Variants in LRRC57 observed in about 807,000 individuals in gnomAD.
LRRC57 encodes the protein leucine-rich repeat-containing protein 57.
A neutral mutation model predicts 23.1 loss-of-function variants in LRRC57; 14 were observed. The observed-to-expected ratio is 0.61, with a 90% confidence interval of 0.40 to 0.95. The LOEUF (loss-of-function observed/expected upper bound fraction) is 0.95. Ranked by LOEUF, LRRC57 falls within the 40% of genes least tolerant of loss-of-function variation. The pLI, the probability that LRRC57 is intolerant of heterozygous loss-of-function variation, is 0.00. For missense variants in LRRC57, 236 were observed against 284.4 expected (o/e 0.83, Z 1.22); for synonymous variants, 106 against 115.2 (o/e 0.92, Z 0.51).
At chr15:42,548,292 C>G (rs772257446) in intron 2 of LRRC57, 48 bp from the exon 3 acceptor site, 2 of 1,613,760 alleles carry the variant, frequency 1.2e-6, no homozygotes, top group Non-Finnish European at 1.7e-6. Flanking sequence ...CGACTAAGTT[C>G]GCCGCCCCCG....
chr15:42,528,667 C>T, the LRRC57 span, among the ~76,000 whole-genome samples: 1 of 152,090 alleles, frequency 6.6e-6, no homozygotes, highest in Non-Finnish European at 1.5e-5. Context: ...CTCACTGCAA[C>T]CTCTGCCTCC....
chr15:42,547,901 T>C (rs2057669878), intron 3 of LRRC57: 1 of 588,238 alleles, frequency 1.7e-6, no homozygotes, highest in African/African-American at 1.9e-5. Flanking sequence ...ATTAACCCAG[T>C]AACAATCATT....
chr15:42,530,842 T>C, the LRRC57 span, among the ~76,000 whole-genome samples: 1 of 152,246 alleles, frequency 6.6e-6, no homozygotes, highest in Admixed American at 6.5e-5. Context: ...TAAATCACTT[T>C]TGATGGATTT....
chr15:42,535,290 T>C (rs1021471354), downstream of LRRC57, among the ~76,000 whole-genome samples: 15 of 152,204 alleles, frequency 9.9e-5, no homozygotes, highest in African/African-American at 3.4e-4. Flanking sequence ...CAACTTTTCT[T>C]CTGCAGCTTC....
the LRRC57 span, among the ~76,000 whole-genome samples, chr15:42,529,124 C>T: frequency 1.3e-5 from 2 of 152,166 alleles, no homozygotes; most frequent in Non-Finnish European, 2.9e-5. Flanking sequence ...TGCAATTACT[C>T]AACTCTGTTG....
Position 42,548,476 on chromosome 15 carries a change from C to T in LRRC57, c.-22-20G>A. On this transcript the variant is annotated intron_variant, in intron 1 of 5. Transcript: ENST00000397130. ...AGGTCCCTGCGGGAAGGAAGCGCTG[C>T]TGTCACCGCCCAGTCCACCCGGTCG... 1.2e-6 allele frequency: 2 copies of T among 1,600,664 alleles called. No individual in the cohort carries two copies. Among genetic ancestry groups the T allele is most frequent in the Non-Finnish European group, 1.7e-6 (2 of 1,173,750 alleles).
the LRRC57 span, among the ~76,000 whole-genome samples, chr15:42,530,993 T>C: frequency 2.0e-5 from 3 of 152,194 alleles, no homozygotes; most frequent in Non-Finnish European, 2.9e-5. Context: ...TTTCAGTCTC[T>C]CCAGGTTAGA....
chr15:42,544,537 A>G (rs73404793), intron 5 of LRRC57, among the ~76,000 whole-genome samples: 7,097 of 151,684 alleles, frequency 0.047, 563 homozygotes, highest in African/African-American at 0.16. Flanking sequence ...AATAAAGCAC[A>G]TAGGGCCGGG....
the LRRC57 span, chr15:42,529,571 T>C: frequency 4.3e-5 from 50 of 1,165,280 alleles, no homozygotes; most frequent in Middle Eastern, 3.9e-4. Flanking sequence ...TTGGATCTTA[T>C]ACTTGCTGAG....
At chr15:42,529,326 C>T in the LRRC57 span, among the ~76,000 whole-genome samples, 35 of 152,082 alleles carry the variant, frequency 2.3e-4, no homozygotes, top group Non-Finnish European at 4.7e-4. Context: ...CTTATTAAAC[C>T]GTAGGTTTCT....
intron 4 of LRRC57, among the ~76,000 whole-genome samples, chr15:42,546,849 A>G (rs373161901): frequency 1.0e-3 from 152 of 152,278 alleles, no homozygotes; most frequent in African/African-American, 3.5e-3. Flanking sequence ...ACAAAACGAA[A>G]AACAAAACTG....
chr15:42,548,374 G>T lies in LRRC57; in HGVS notation c.61C>A (p.Leu21Ile), dbSNP rs1222884852. Residue 21 changes from leucine (L) to isoleucine (I), a missense_variant, in exon 2 of 6, where the codon CTT becomes ATT. Coordinates refer to ENST00000397130, the MANE Select transcript of LRRC57 (RefSeq NM_153260.3). ...ACCTCGGTCAGCCCTCGGTCCTTAA[G>T]CTGAAAGACACCAGTTTTCTGCGCC... ...ETAQKTGVFQ[L>I]KDRGLTEFPA... 1 of 1,614,228 alleles carries T rather than the reference G, an allele frequency of 6.2e-7. No homozygotes were observed. Among genetic ancestry groups the T allele is most frequent in the Non-Finnish European group, 8.5e-7 (1 of 1,180,046 alleles).
downstream of LRRC57, among the ~76,000 whole-genome samples, chr15:42,533,395 G>A (rs946740749): frequency 6.6e-6 from 1 of 152,148 alleles, no homozygotes; most frequent in African/African-American, 2.4e-5. Context: ...AGCTTTCAAA[G>A]GCTAAAGAGG....
At position 42,547,291 on chromosome 15, in the gene LRRC57, T is replaced by C; in HGVS notation, c.462A>G (p.Gln154=). The stretch of plus-strand genomic sequence containing the variant: ...TCTGGTTGAGGTTGAGTTCGATGAC[T>C]TGCAGCTCTCCCACTGAGTCAGGTA... ...RSIPDSVGEL[Q]VIELNLNQNQ... is the part of the protein sequence containing the mutation. Residue 154 remains glutamine, a synonymous_variant, in exon 4 of 6, where the codon CAA becomes CAG. Transcript: ENST00000397130. 6.2e-7 allele frequency: 1 copy of C among 1,614,220 alleles called. No individual in the cohort carries two copies. Among genetic ancestry groups the C allele is most frequent in the Non-Finnish European group, 8.5e-7 (1 of 1,180,036 alleles).
chr15:42,539,524 C>T lies in LRRC57; in HGVS notation c.*4559G>A, dbSNP rs2057617606. 7.0e-6 allele frequency: 1 copy of T among 142,292 alleles called. No homozygotes were observed. The highest frequency in any genetic ancestry group is 7.1e-5 in the Admixed American group (1 of 14,144). The allele number at this position is 142,292 out of a possible 1,614,324, so 8.8% of individuals were successfully genotyped here. A position where few individuals can be genotyped will look rare whatever the true frequency, so the allele number is the denominator to read the frequency against. ...GAGACTTAAAAGCCAGGCAGTGGCT[C>T]ACACCTGTAATCTCAATACTTTGGG... On this transcript the variant is annotated 3_prime_UTR_variant, in exon 6 of 6. Transcript: ENST00000397130.
At chr15:42,530,738 A>G in the LRRC57 span, among the ~76,000 whole-genome samples, 864 of 152,308 alleles carry the variant, frequency 5.7e-3, 13 homozygotes, top group African/African-American at 0.02. Context: ...CAACAGAGTG[A>G]GACCCTTTCT....
chr15:42,538,751 A>G lies in LRRC57; in HGVS notation c.*5332T>C, dbSNP rs1249455994. On this transcript the variant is annotated 3_prime_UTR_variant, in exon 6 of 6. Transcript: ENST00000397130. The stretch of plus-strand genomic sequence containing the variant: ...ACCTGAGAGGTAGGAGCTATTCCCT[A>G]TATTTACAAGTGAGACGAAATTGCT... 2.0e-5 allele frequency: 3 copies of G among 152,212 alleles called. No homozygotes were observed. The highest frequency in any genetic ancestry group is 2.1e-4 in the South Asian group (1 of 4,836). The allele number at this position is 152,212 out of a possible 1,614,324, so 9.4% of individuals were successfully genotyped here.
intron 3 of LRRC57, 184 bp from the exon 4 acceptor site, chr15:42,547,713 A>C (rs1208764264): frequency 3.2e-6 from 2 of 624,974 alleles, no homozygotes; most frequent in Non-Finnish European, 5.5e-6. Flanking sequence ...GGTGCCATCA[A>C]AATGCCGGAG....
At chr15:42,547,590 A>T in intron 3 of LRRC57, 61 bp from the exon 4 acceptor site, 4 of 1,473,344 alleles carry the variant, frequency 2.7e-6, no homozygotes, top group Admixed American at 4.0e-5. Context: ...ACTTTGATGA[A>T]GTTTATAAAG....
Sources: gnomAD v4.1 joint callset for allele counts (sites outside exome capture counted in the v4.1 genomes callset) on GRCh38, gnomAD v4.1.1 for gene constraint, MANE v1.5 for transcripts, NCBI Gene and HGNC (gene_info 2026-07-23, HGNC 2026-07-21) for gene names.